MGMT: variants seen among roughly 807,000 people sequenced by gnomAD.
The protein encoded by MGMT is methylated-DNA--protein-cysteine methyltransferase.
MGMT carries 14 observed loss-of-function variants against 15.9 expected under a neutral mutation model. The ratio of observed to expected loss-of-function variants is 0.88; its 90% confidence interval spans 0.58 to 1.37. The LOEUF (loss-of-function observed/expected upper bound fraction) is 1.37, where lower values mean the gene tolerates loss of function less well. Among genes scored for constraint, MGMT ranks in the 40% most tolerant of loss-of-function variants. The pLI is 0.00. For missense variants in MGMT, 282 were observed against 268.1 expected (o/e 1.05, Z -0.36); for synonymous variants, 130 against 118.2 (o/e 1.10, Z -0.65).
At chr10:129,727,449 GC>G (rs1328372477) in intron 3 of MGMT, among the ~76,000 whole-genome samples, 1 of 152,192 alleles carries the variant, frequency 6.6e-6, no homozygotes, top group African/African-American at 2.4e-5. Context: ...CAACTGCTGA[GC>G]CCGACCCTTC....
At chr10:129,471,886 C>T (rs1353397170) in intron 1 of MGMT, among the ~76,000 whole-genome samples, 1 of 152,188 alleles carries the variant, frequency 6.6e-6, no homozygotes, top group Non-Finnish European at 1.5e-5. Flanking sequence ...GCATATGGGT[C>T]TGAGTACGGT....
chr10:129,693,044 A>G (rs998380118), intron 2 of MGMT, among the ~76,000 whole-genome samples: 3 of 152,272 alleles, frequency 2.0e-5, no homozygotes, highest in African/African-American at 7.2e-5. Flanking sequence ...CTTTTAGTGC[A>G]GTATTAACAC....
intron 1 of MGMT, among the ~76,000 whole-genome samples, chr10:129,470,391 TAAAA>T (rs1011972106): frequency 2.0e-5 from 3 of 152,166 alleles, no homozygotes; most frequent in Non-Finnish European, 4.4e-5. Context: ...TCTTTTGACT[TAAAA>T]AAATTAACAG....
intron 1 of MGMT, among the ~76,000 whole-genome samples, chr10:129,486,173 TTC>T (rs1268097579): frequency 8.4e-6 from 1 of 118,800 alleles, no homozygotes; most frequent in Non-Finnish European, 1.6e-5. Flanking sequence ...TTCTCTTCTC[TTC>T]TCTTTTTTTT....
At chr10:129,569,390 G>A (rs575979698) in intron 2 of MGMT, among the ~76,000 whole-genome samples, 1 of 152,278 alleles carries the variant, frequency 6.6e-6, no homozygotes, top group East Asian at 1.9e-4. Flanking sequence ...GCACAGCCTT[G>A]TCCTCGGGTT....
intron 1 of MGMT, among the ~76,000 whole-genome samples, chr10:129,488,296 T>G (rs537061497): frequency 4.3e-4 from 65 of 152,280 alleles, no homozygotes; most frequent in African/African-American, 1.5e-3. Context: ...TCCTGTCTCA[T>G]AGTGATCTTA....
intron 3 of MGMT, among the ~76,000 whole-genome samples, chr10:129,731,041 G>C (rs1238770103): frequency 6.6e-6 from 1 of 152,162 alleles, no homozygotes; most frequent in African/African-American, 2.4e-5. Flanking sequence ...CCTCCTAGGT[G>C]AAACTGTCAC....
intron 3 of MGMT, among the ~76,000 whole-genome samples, chr10:129,729,767 C>T (rs910595883): frequency 4.6e-5 from 7 of 152,190 alleles, no homozygotes; most frequent in Admixed American, 3.3e-4. Context: ...AGCTCCTTTC[C>T]GTTGGGTTGG....
At chr10:129,730,029 TG>T (rs1848478454) in intron 3 of MGMT, among the ~76,000 whole-genome samples, 1 of 152,192 alleles carries the variant, frequency 6.6e-6, no homozygotes, top group Non-Finnish European at 1.5e-5. Flanking sequence ...TTTTTAGCCT[TG>T]TAGAAGCAGC....
At chr10:129,758,160 TAAG>T (rs1173596118) in intron 3 of MGMT, among the ~76,000 whole-genome samples, 2 of 152,184 alleles carry the variant, frequency 1.3e-5, no homozygotes, top group Non-Finnish European at 2.9e-5. Flanking sequence ...TCCCTTCAGT[TAAG>T]AAGTGATTTT....
chr10:129,742,610 A>G (rs542215696), intron 3 of MGMT, among the ~76,000 whole-genome samples: 36 of 151,238 alleles, frequency 2.4e-4, no homozygotes, highest in African/African-American at 8.5e-4. Flanking sequence ...CCACTACCAC[A>G]GCAGCCCATG....
Position 129,629,254 on chromosome 10 carries a change from C to A in MGMT, c.126-78641C>A, listed in dbSNP as rs766603052. ...TTCTATATGAAACATGCCTTATAAA[C>A]CCTTAGTACTGCATGATTTCAGATT... On this transcript the variant is annotated intron_variant, in intron 2 of 4. Transcript: ENST00000651593. Among the ~76,000 whole-genome samples the A allele has an allele frequency of 9.1e-4, 138 of 152,304 alleles. 1 individual carries two copies. Among genetic ancestry groups the A allele is most frequent in the Middle Eastern group, 6.8e-3 (2 of 294 alleles).
At chr10:129,677,322 A>G (rs1847797317) in intron 2 of MGMT, among the ~76,000 whole-genome samples, 1 of 152,050 alleles carries the variant, frequency 6.6e-6, no homozygotes, top group South Asian at 2.1e-4. Context: ...ATGTAATACC[A>G]TTTTATTTCT....
intron 2 of MGMT, among the ~76,000 whole-genome samples, chr10:129,647,332 G>A (rs1010278514): frequency 2.0e-5 from 3 of 152,092 alleles, no homozygotes; most frequent in South Asian, 2.1e-4. Flanking sequence ...AGTTTACCAC[G>A]GGAGATCAAG....
At chr10:129,716,528 A>C (rs1350559944) in intron 3 of MGMT, among the ~76,000 whole-genome samples, 5 of 152,148 alleles carry the variant, frequency 3.3e-5, no homozygotes, top group African/African-American at 9.7e-5. Context: ...TTCCTCACTT[A>C]GATGGTTTTA....
At chr10:129,527,426 TC>T (rs1290947370) in intron 1 of MGMT, among the ~76,000 whole-genome samples, 1 of 152,214 alleles carries the variant, frequency 6.6e-6, no homozygotes, top group Non-Finnish European at 1.5e-5. Context: ...CTGCCCGCTT[TC>T]CTTTGATGGT....
In MGMT at chr10:129,714,702, A is replaced by G. The variant is rs371014190; in HGVS notation, c.274+6659A>G. Reference sequence around the variant, plus strand: ...GCTTTTGCTGTGTGCTTTACCCTCTACTAAGCCTAACATTCCTAATTTAAT... The same window carrying G: ...GCTTTTGCTGTGTGCTTTACCCTCTGCTAAGCCTAACATTCCTAATTTAAT... On this transcript the variant is annotated intron_variant, in intron 3 of 4. Coordinates refer to ENST00000651593, the MANE Select transcript of MGMT (RefSeq NM_002412.5). Among the ~76,000 whole-genome samples, 5 of 152,300 alleles carry G rather than the reference A, an allele frequency of 3.3e-5. No individual in the cohort carries two copies. In the East Asian group the frequency reaches 5.8e-4, roughly 18 times the overall value.
chr10:129,749,460 C>A (rs535514150), intron 3 of MGMT, among the ~76,000 whole-genome samples: 1 of 152,224 alleles, frequency 6.6e-6, no homozygotes, highest in South Asian at 2.1e-4. Context: ...CTGCATAGCT[C>A]ATTTTTTTCA....
intron 4 of MGMT, among the ~76,000 whole-genome samples, chr10:129,764,165 C>T (rs1407200819): frequency 6.6e-6 from 1 of 152,210 alleles, no homozygotes; most frequent in Non-Finnish European, 1.5e-5. Flanking sequence ...TTCTTTGCCA[C>T]TTAACAGCTT....
Sources: allele counts gnomAD v4.1 joint callset (sites outside exome capture counted in the v4.1 genomes callset), GRCh38; gene constraint gnomAD v4.1.1; transcripts MANE v1.5; gene names NCBI Gene and HGNC (gene_info 2026-07-23, HGNC 2026-07-21).